The following TENM2 variants were observed in gnomAD, a reference collection of about 807,000 sequenced individuals.
TENM2 encodes the protein teneurin transmembrane protein 2.
Under a neutral mutation model 245.2 loss-of-function variants are expected in TENM2, and 52 were observed. The observed-to-expected ratio is 0.21, with a 90% CI of 0.17 to 0.27. The LOEUF (loss-of-function observed/expected upper bound fraction) is 0.27. Ranked by LOEUF, TENM2 falls within the 10% of genes least tolerant of loss-of-function variation. TENM2 has a pLI of 1.00. For missense variants in TENM2, 3,046 were observed against 3,666.8 expected (o/e 0.83, Z 4.37); for synonymous variants, 1,363 against 1,438.9 (o/e 0.95, Z 1.19).
Position 168,247,598 on chromosome 5 carries a change from C to T in TENM2, c.6659C>T (p.Pro2220Leu), listed in dbSNP as rs371064422. The change falls in exon 27 of 29, where the codon CCG (proline) becomes CTG (leucine). Residue 2220 changes from proline (P) to leucine (L), a missense_variant. Pro to Leu is a moderately conservative substitution (Grantham distance 98, BLOSUM62 -3). Around this residue, in one of 2 missense-constraint regions of TENM2, gnomAD observed 2,704 missense variants for 3,331.9 expected, o/e 0.81. Transcript: ENST00000518659. This position sits in a 1 kb window ranked among gnomAD's most constrained non-coding sequence, Gnocchi z 7.8. ...CAGAGCGTGGCCGTCAATGACCGCCCGACCTGGCGCTACAGCTATGACCTT... is the reference window on the plus strand; with the variant it reads ...CAGAGCGTGGCCGTCAATGACCGCCTGACCTGGCGCTACAGCTATGACCTT... 3.0e-5 allele frequency: 48 copies of T among 1,613,116 alleles called. No individual in the cohort carries two copies. The highest frequency in any genetic ancestry group is 1.0e-4 in the Admixed American group (6 of 59,974).
At chr5:167,986,728 C>T (rs539645470) in intron 4 of TENM2, among the ~76,000 whole-genome samples, 59 of 152,238 alleles carry the variant, frequency 3.9e-4, no homozygotes, top group African/African-American at 1.3e-3. Flanking sequence ...CATGACCGAC[C>T]GCTGGGAAGA....
Position 168,244,628 on chromosome 5 carries a change from G to C in TENM2, c.5729G>C (p.Ser1910Thr). ...GCTGGGCTTCAGCGTGGGGCCATGAGCGAGAGGACAGACATCGACAAGCAA... is the reference window on the plus strand; with the variant it reads ...GCTGGGCTTCAGCGTGGGGCCATGACCGAGAGGACAGACATCGACAAGCAA... Residue 1910 changes from serine to threonine, a missense_variant, in exon 26 of 29, where the codon AGC becomes ACC. Around this residue, in one of 2 missense-constraint regions of TENM2, gnomAD observed 2,704 missense variants for 3,331.9 expected, o/e 0.81. Transcript: ENST00000518659. The surrounding 1 kb of genome is among the most constrained non-coding windows in gnomAD (Gnocchi z 4.9). 6.3e-7 allele frequency: 1 copy of C among 1,587,436 alleles called. No homozygotes were observed. The highest frequency in any genetic ancestry group is 8.6e-7 in the Non-Finnish European group (1 of 1,162,364).
At chr5:167,300,004 A>T (rs921507865) in intron 1 of TENM2, among the ~76,000 whole-genome samples, 2 of 152,224 alleles carry the variant, frequency 1.3e-5, no homozygotes, top group East Asian at 1.9e-4. Flanking sequence ...AAGCAGCAGC[A>T]GCTGCTGCAC....
At chr5:168,079,058 A>G (rs1341351269) in intron 7 of TENM2, among the ~76,000 whole-genome samples, 3 of 152,224 alleles carry the variant, frequency 2.0e-5, no homozygotes, top group Non-Finnish European at 2.9e-5. Flanking sequence ...CTTCCTATCC[A>G]TGAGCATGGA....
the TENM2 span, among the ~76,000 whole-genome samples, chr5:166,980,305 C>G: frequency 5.9e-5 from 9 of 152,084 alleles, no homozygotes; most frequent in African/African-American, 1.4e-4. Flanking sequence ...ACAGCAATAT[C>G]TCTCTTAGAT....
At chr5:167,630,120 A>G (rs1357050340) in intron 2 of TENM2, among the ~76,000 whole-genome samples, 1 of 150,566 alleles carries the variant, frequency 6.6e-6, no homozygotes, top group Non-Finnish European at 1.5e-5. Context: ...CTTACGTCTT[A>G]GCAGCCTCAG....
chr5:167,818,104 A>T (rs1229046193), intron 2 of TENM2, among the ~76,000 whole-genome samples: 1 of 152,220 alleles, frequency 6.6e-6, no homozygotes, highest in African/African-American at 2.4e-5. Context: ...TTTACAGTTA[A>T]ATCAACAGAA....
intron 3 of TENM2, among the ~76,000 whole-genome samples, chr5:167,946,353 C>T (rs528619888): frequency 2.6e-5 from 3 of 115,130 alleles, no homozygotes; most frequent in Admixed American, 7.8e-5. Context: ...CCCCTCACGC[C>T]GCTGGTTAGG....
the TENM2 span, among the ~76,000 whole-genome samples, chr5:167,030,066 G>T: frequency 1.3e-5 from 2 of 152,144 alleles, no homozygotes; most frequent in East Asian, 3.9e-4. Flanking sequence ...ATCGTCAGGG[G>T]TCGACCAAAC....
the TENM2 span, among the ~76,000 whole-genome samples, chr5:167,215,122 A>T: frequency 6.6e-6 from 1 of 152,148 alleles, no homozygotes; most frequent in Admixed American, 6.5e-5. Flanking sequence ...CTGCCCTTCA[A>T]GATGCAGTTC....
chr5:167,542,483 T>G (rs1772279053), intron 2 of TENM2, among the ~76,000 whole-genome samples: 1 of 106,896 alleles, frequency 9.4e-6, no homozygotes, highest in Non-Finnish European at 2.4e-5. Flanking sequence ...CCTGTCTTCC[T>G]CCTTCTGAAT....
chr5:168,065,008 G>A (rs549235438), intron 7 of TENM2, among the ~76,000 whole-genome samples: 107 of 152,228 alleles, frequency 7.0e-4, no homozygotes, highest in South Asian at 1.5e-3. Flanking sequence ...CTGACGTCTC[G>A]AACTATTATA....
chr5:167,357,118 C>A (rs367766781), intron 1 of TENM2, among the ~76,000 whole-genome samples: 1 of 151,924 alleles, frequency 6.6e-6, no homozygotes, highest in East Asian at 1.9e-4. Flanking sequence ...AGGAAAAAGG[C>A]CTTGTCTTAA....
intron 15 of TENM2, among the ~76,000 whole-genome samples, chr5:168,196,970 G>A (rs1437614520): frequency 6.6e-6 from 1 of 152,174 alleles, no homozygotes; most frequent in Admixed American, 6.5e-5. Flanking sequence ...TGTTCAGGTT[G>A]TAAAGCTGTG....
chr5:167,599,406 C>T (rs1007056734), intron 2 of TENM2, among the ~76,000 whole-genome samples: 7 of 151,954 alleles, frequency 4.6e-5, no homozygotes, highest in African/African-American at 9.7e-5. Flanking sequence ...AAAAATAAAC[C>T]ATATAACTCT....
chr5:167,236,881 C>CT, the TENM2 span, among the ~76,000 whole-genome samples: 707 of 141,354 alleles, frequency 5.0e-3, no homozygotes, highest in African/African-American at 9.8e-3. Context: ...ACTTCTATAC[C>CT]TTTTTTTTTT....
At chr5:167,204,313 A>G in the TENM2 span, among the ~76,000 whole-genome samples, 4 of 152,188 alleles carry the variant, frequency 2.6e-5, no homozygotes, top group Non-Finnish European at 5.9e-5. Flanking sequence ...TTCCCAAAGA[A>G]AGTAATTGAG....
chr5:167,090,149 A>C, the TENM2 span, among the ~76,000 whole-genome samples: 1 of 152,120 alleles, frequency 6.6e-6, no homozygotes, highest in Admixed American at 6.5e-5. Flanking sequence ...GAAGAATGGT[A>C]ATAAACCATT....
intron 3 of TENM2, among the ~76,000 whole-genome samples, chr5:167,893,722 A>G (rs1328890231): frequency 6.6e-6 from 1 of 152,000 alleles, no homozygotes; most frequent in Non-Finnish European, 1.5e-5. Context: ...ATAATTTCCA[A>G]ACGCTTTTAA....
Sources: gnomAD v4.1 joint callset for allele counts (sites outside exome capture counted in the v4.1 genomes callset) on GRCh38, gnomAD v4.1.1 for gene constraint, gnomAD v4.1.1 regional missense constraint, Gnocchi (gnomAD v3.1) non-coding constraint, MANE v1.5 for transcripts, NCBI Gene and HGNC (gene_info 2026-07-23, HGNC 2026-07-21) for gene names.